Variants in OLA1 observed in about 807,000 individuals in gnomAD.
The protein encoded by OLA1 is Obg like ATPase 1.
OLA1 carries 14 observed loss-of-function variants against 48.4 expected under a neutral mutation model. That is an observed-to-expected ratio of 0.29 (90% CI 0.19 to 0.45). OLA1 has a LOEUF of 0.45. OLA1 is among the 20% of genes least tolerant of loss of function. The pLI, the probability that OLA1 is intolerant of heterozygous loss-of-function variation, is 1.00. For missense variants in OLA1, 325 were observed against 467.1 expected (o/e 0.70, Z 2.80); for synonymous variants, 127 against 150.4 (o/e 0.84, Z 1.14).
chr2:174,153,255 G>T (rs1486161352), intron 4 of OLA1, among the ~76,000 whole-genome samples: 1 of 152,066 alleles, frequency 6.6e-6, no homozygotes, highest in East Asian at 1.9e-4. Context: ...TTTAGCATAG[G>T]AGAGAATAAT....
In OLA1 at chr2:174,073,316, C is replaced by T. The variant is rs1684650282; in HGVS notation, c.*2110G>A. ...ACGCCTGGCCTCAAATCTCTTTTAA[C>T]CATAAATTTGATTAAGATGGAGCTA... On this transcript the variant is annotated 3_prime_UTR_variant, in exon 11 of 11. Transcript: ENST00000284719. 1 of 152,088 alleles carries T rather than the reference C, an allele frequency of 6.6e-6. No individual in the cohort carries two copies. Among genetic ancestry groups the T allele is most frequent in the South Asian group, 2.1e-4 (1 of 4,810 alleles). 9.4% of individuals were successfully genotyped at this position (152,088 alleles called of 1,614,324 possible). A position where few individuals can be genotyped will look rare whatever the true frequency, so the allele number is the denominator to read the frequency against.
intron 3 of OLA1, among the ~76,000 whole-genome samples, chr2:174,224,701 G>A (rs1356554473): frequency 6.6e-6 from 1 of 152,166 alleles, no homozygotes; most frequent in African/African-American, 2.4e-5. Context: ...AGTCTTCTGG[G>A]AGAACTTCTA....
At chr2:174,158,689 A>G (rs2105394538) in intron 4 of OLA1, among the ~76,000 whole-genome samples, 1 of 152,306 alleles carries the variant, frequency 6.6e-6, no homozygotes, top group South Asian at 2.1e-4. Flanking sequence ...TCCTCCTGCA[A>G]AAAGTTCAGT....
At chr2:174,240,355 A>G (rs1037063125) in intron 2 of OLA1, 1 of 152,244 alleles carries the variant, frequency 6.6e-6, no homozygotes, top group East Asian at 1.9e-4. Flanking sequence ...CGTTGCAGAC[A>G]CCCAATCAGC....
chr2:174,138,711 T>C (rs1268877344), intron 5 of OLA1, among the ~76,000 whole-genome samples: 5 of 152,238 alleles, frequency 3.3e-5, no homozygotes, highest in Admixed American at 6.5e-5. Context: ...AGTATGCCTG[T>C]ATGCTACTCT....
chr2:174,085,256 T>G (rs540830278), intron 7 of OLA1, among the ~76,000 whole-genome samples: 103 of 152,332 alleles, frequency 6.8e-4, no homozygotes, highest in Non-Finnish European at 1.1e-3. Context: ...ACCCCTGGAC[T>G]GTGGACTGGT....
intron 3 of OLA1, among the ~76,000 whole-genome samples, chr2:174,228,497 G>C (rs1321519755): frequency 1.3e-5 from 2 of 151,998 alleles, no homozygotes; most frequent in African/African-American, 4.8e-5. Context: ...AGGAAGTAGA[G>C]GTGGTTTTCA....
intron 4 of OLA1, among the ~76,000 whole-genome samples, chr2:174,165,558 G>C (rs1224849075): frequency 6.6e-6 from 1 of 152,190 alleles, no homozygotes; most frequent in African/African-American, 2.4e-5. Context: ...TCCTATTCCT[G>C]CCTTTGCTGG....
At chr2:174,097,568 C>T (rs1446642567) in intron 7 of OLA1, among the ~76,000 whole-genome samples, 3 of 151,594 alleles carry the variant, frequency 2.0e-5, no homozygotes, top group Non-Finnish European at 2.9e-5. Flanking sequence ...TTTGGGAGGC[C>T]GAGGTGGGTG....
At chr2:174,094,842 T>C (rs1685208944) in intron 7 of OLA1, among the ~76,000 whole-genome samples, 1 of 152,192 alleles carries the variant, frequency 6.6e-6, no homozygotes, top group African/African-American at 2.4e-5. Flanking sequence ...ACTATTCTAT[T>C]TCTGTTTTTA....
chr2:174,228,299 T>C (rs984556926), intron 3 of OLA1, among the ~76,000 whole-genome samples: 2 of 152,174 alleles, frequency 1.3e-5, no homozygotes, highest in African/African-American at 4.8e-5. Flanking sequence ...TACATTCATA[T>C]AATATAGCAA....
intron 4 of OLA1, among the ~76,000 whole-genome samples, chr2:174,144,952 ATAT>A (rs369821498): frequency 0.089 from 4,293 of 48,334 alleles, 123 homozygotes; most frequent in East Asian, 0.19. Flanking sequence ...AAAAAAAAAA[ATAT>A]ATATATATAT....
At chr2:174,084,495 T>G (rs1684924215) in intron 7 of OLA1, among the ~76,000 whole-genome samples, 1 of 152,222 alleles carries the variant, frequency 6.6e-6, no homozygotes, top group South Asian at 2.1e-4. Context: ...CAAAATGATT[T>G]TTAATTACAT....
intron 4 of OLA1, among the ~76,000 whole-genome samples, chr2:174,181,490 C>A (rs1057054785): frequency 6.6e-6 from 1 of 152,068 alleles, no homozygotes; most frequent in Non-Finnish European, 1.5e-5. Context: ...ATGTGAAATA[C>A]GTAAGAGAGG....
At position 174,128,746 on chromosome 2, in the gene OLA1, A is replaced by T. The variant is rs530670496; in HGVS notation, c.550-5071T>A. Among the ~76,000 whole-genome samples the T allele has an allele frequency of 8.9e-3, 1,355 of 151,874 alleles. 10 individuals carry two copies. The highest frequency in any genetic ancestry group is 0.011 in the Non-Finnish European group (742 of 67,960). ...GAGCAAAACTTGTCTCAAAAAAAAA[A>T]AAAATAAAATAAAATAAACAAAGAA... On this transcript the variant is annotated intron_variant, in intron 5 of 10. Coordinates refer to ENST00000284719, the MANE Select transcript of OLA1 (RefSeq NM_013341.5).
chr2:174,174,661 A>T (rs189290535), intron 4 of OLA1, among the ~76,000 whole-genome samples: 178 of 152,168 alleles, frequency 1.2e-3, no homozygotes, highest in Admixed American at 3.1e-3. Flanking sequence ...TTGAGAAGAG[A>T]CCTAAATAAA....
In OLA1 at chr2:174,075,519, T is replaced by C; in HGVS notation, c.1098A>G (p.Gly366=). 2 of 1,603,770 alleles carry C rather than the reference T, an allele frequency of 1.2e-6. No homozygotes were observed. The highest frequency in any genetic ancestry group is 1.7e-6 in the Non-Finnish European group (2 of 1,171,554). ...EGSENAVKAA[G]KYRQQGRNYI... ...AATTTCTGCCTTGTTGTCTGTACTT[T>C]CCAGCAGCCTGCAAACAGAAAATAT... is the stretch of plus-strand genomic sequence containing the variant. Residue 366 remains glycine (G), a synonymous_variant, in exon 11 of 11, where the codon GGA becomes GGG. Transcript: ENST00000284719.
chr2:174,200,442 G>A (rs1687967667), intron 4 of OLA1, among the ~76,000 whole-genome samples: 1 of 152,052 alleles, frequency 6.6e-6, no homozygotes, highest in Non-Finnish European at 1.5e-5. Flanking sequence ...AGGCTCCTTG[G>A]ACACTTGGCT....
At chr2:174,108,274 C>T (rs1401892632) in intron 7 of OLA1, among the ~76,000 whole-genome samples, 1 of 152,014 alleles carries the variant, frequency 6.6e-6, no homozygotes, top group African/African-American at 2.4e-5. Flanking sequence ...TTTTCAAAAT[C>T]GTTTGCTAGC....
Sources: gnomAD v4.1 joint callset for allele counts (sites outside exome capture counted in the v4.1 genomes callset) on GRCh38, gnomAD v4.1.1 for gene constraint, MANE v1.5 for transcripts, NCBI Gene and HGNC (gene_info 2026-07-23, HGNC 2026-07-21) for gene names.